Variants in NEK8 observed in about 807,000 individuals in gnomAD.
NEK8 encodes the protein serine/threonine-protein kinase Nek8.
Under a neutral mutation model 77.2 loss-of-function variants are expected in NEK8, and 51 were observed. The observed-to-expected ratio is 0.66, with a 90% CI of 0.53 to 0.83. NEK8 has a LOEUF of 0.83. Ranked by LOEUF, NEK8 falls within the 40% of genes least tolerant of loss-of-function variation. The pLI is 0.00. For synonymous variants in NEK8, 365 were observed against 363.2 expected (o/e 1.00, Z -0.06); for missense variants, 787 against 909.2 (o/e 0.87, Z 1.73).
At position 28,737,625 on chromosome 17, in the gene NEK8, G is replaced by A; in HGVS notation, c.828-50G>A. Reference sequence around the variant, plus strand: ...TGGGGCAAGTCCTCCCTTCCTGCATGTAGGAATGTCAGGAGGGTCTTTGTC... The same window carrying A: ...TGGGGCAAGTCCTCCCTTCCTGCATATAGGAATGTCAGGAGGGTCTTTGTC... On this transcript the variant is annotated intron_variant, in intron 5 of 14. Transcript: ENST00000268766. This position sits in a 1 kb window ranked among gnomAD's most constrained non-coding sequence, Gnocchi z 4.8. 1 of 1,614,048 alleles carries A rather than the reference G, an allele frequency of 6.2e-7. No homozygotes were observed. The highest frequency in any genetic ancestry group is 8.5e-7 in the Non-Finnish European group (1 of 1,179,908).
intron 1 of NEK8, chr17:28,733,076 C>T (rs977517030): frequency 1.1e-4 from 15 of 136,468 alleles, no homozygotes; most frequent in Admixed American, 2.3e-4. Context: ...GAGTGGGTTT[C>T]ACCATGTTGC....
At position 28,742,279 on chromosome 17, in the gene NEK8, C is replaced by G. The variant is rs995061746; in HGVS notation, c.*292C>G. On this transcript the variant is annotated 3_prime_UTR_variant, in exon 15 of 15. Transcript: ENST00000268766. ...GACCTAGCCTTTGGAAGCAGGGTGGCCTCCAGAGCCTTGCCATAAAAAGGC... is the reference window on the plus strand; with the variant it reads ...GACCTAGCCTTTGGAAGCAGGGTGGGCTCCAGAGCCTTGCCATAAAAAGGC... 7.4e-6 allele frequency: 4 copies of G among 538,764 alleles called. No homozygotes were observed. Among genetic ancestry groups the G allele is most frequent in the Non-Finnish European group, 1.3e-5 (4 of 298,446 alleles). 33.4% of individuals were successfully genotyped at this position (538,764 alleles called of 1,614,324 possible). A position where few individuals can be genotyped will look rare whatever the true frequency, so the allele number is the denominator to read the frequency against.
chr17:28,733,415 C>T (rs777237952), intron 1 of NEK8, among the ~76,000 whole-genome samples: 1 of 152,176 alleles, frequency 6.6e-6, no homozygotes, highest in Non-Finnish European at 1.5e-5. Flanking sequence ...AGCTTATAGT[C>T]CACTCATTCA....
At chr17:28,731,266 C>T (rs532520696) in intron 1 of NEK8, among the ~76,000 whole-genome samples, 2 of 149,354 alleles carry the variant, frequency 1.3e-5, no homozygotes, top group African/African-American at 2.5e-5. Context: ...AAAGGCCGGG[C>T]GTGGGGGTCA....
chr17:28,742,214 C>G lies in NEK8; in HGVS notation c.*227C>G, dbSNP rs895887986. 3 of 641,860 alleles carry G rather than the reference C, an allele frequency of 4.7e-6. No individual in the cohort carries two copies. The highest frequency in any genetic ancestry group is 8.5e-6 in the Non-Finnish European group (3 of 352,174). 39.8% of individuals were successfully genotyped at this position (641,860 alleles called of 1,614,324 possible). A position where few individuals can be genotyped will look rare whatever the true frequency, so the allele number is the denominator to read the frequency against. ...CTTCCTACCCCTTCCTCCCTTCAGTCAGTGTCCCCAGGGTCCAGCCTGGCT... is the reference window on the plus strand; with the variant it reads ...CTTCCTACCCCTTCCTCCCTTCAGTGAGTGTCCCCAGGGTCCAGCCTGGCT... On this transcript the variant is annotated 3_prime_UTR_variant, in exon 15 of 15. Coordinates refer to ENST00000268766, the MANE Select transcript of NEK8 (RefSeq NM_178170.3).
chr17:28,730,511 C>T (rs1165629806), intron 1 of NEK8, among the ~76,000 whole-genome samples: 1 of 152,000 alleles, frequency 6.6e-6, no homozygotes, highest in African/African-American at 2.4e-5. Context: ...TGACCTCAGG[C>T]GATCCACCTG....
chr17:28,738,663 C>G lies in NEK8; in HGVS notation c.1223-8C>G, dbSNP rs373387881. ...TCCCTTCTCCTTCCTCACTGCCCTT[C>G]TCCCCAGACAGAGGCATCATCATGA... On this transcript the variant is annotated splice_region_variant and splice_polypyrimidine_tract_variant and intron_variant, in intron 8 of 14. Transcript: ENST00000268766. 1.2e-6 allele frequency: 2 copies of G among 1,613,370 alleles called. No homozygotes were observed. Among genetic ancestry groups the G allele is most frequent in the Non-Finnish European group, 1.7e-6 (2 of 1,179,366 alleles).
At chr17:28,736,772 T>G (rs2034369483) in intron 4 of NEK8, among the ~76,000 whole-genome samples, 1 of 151,974 alleles carries the variant, frequency 6.6e-6, no homozygotes, top group South Asian at 2.1e-4. Context: ...CTCTTTAGTT[T>G]AATTAGATCC....
intron 1 of NEK8, among the ~76,000 whole-genome samples, chr17:28,730,650 C>T (rs1386291472): frequency 6.6e-6 from 1 of 152,186 alleles, no homozygotes; most frequent in Non-Finnish European, 1.5e-5. Flanking sequence ...GGTGCAGTGG[C>T]TCACGCCTAT....
rs34020867 is a variant in NEK8 at position 28,737,797 on chromosome 17, TC to T, written c.890-18del. ...CACACCATTCCCATCAGTTTAATAGTCCCCATGCACTGTACCTGCAGGTATC... is the reference window on the plus strand; with the variant it reads ...CACACCATTCCCATCAGTTTAATAGTCCCATGCACTGTACCTGCAGGTATC... On this transcript the variant is annotated intron_variant, in intron 6 of 14. Transcript: ENST00000268766. The surrounding 1 kb of genome is among the most constrained non-coding windows in gnomAD (Gnocchi z 4.8). 3 of 1,614,014 alleles carry T rather than the reference TC, an allele frequency of 1.9e-6. No individual in the cohort carries two copies. The Admixed American group carries it at 5.0e-5, about 27-fold the overall frequency.
chr17:28,734,615 G>T (rs533072158), intron 2 of NEK8, 157 bp from the exon 3 acceptor site: 7 of 635,658 alleles, frequency 1.1e-5, no homozygotes, highest in East Asian at 2.7e-5. Context: ...ACCCGGGAGG[G>T]GGGGCTTGCA....
At chr17:28,738,786 G>A (rs746456902) in intron 9 of NEK8, 39 bp downstream of exon 9, 1 of 1,515,756 alleles carries the variant, frequency 6.6e-7, no homozygotes, top group Non-Finnish European at 9.2e-7. Flanking sequence ...GAAGTCGGGG[G>A]ATGGCGGGGA....
chr17:28,731,335 C>T (rs2034304484), intron 1 of NEK8, among the ~76,000 whole-genome samples: 1 of 151,918 alleles, frequency 6.6e-6, no homozygotes, highest in African/African-American at 2.4e-5. Flanking sequence ...GTCAAGAGAT[C>T]GAGACCATCC....
intron 10 of NEK8, among the ~76,000 whole-genome samples, chr17:28,739,787 G>C (rs1375397639): frequency 6.6e-6 from 1 of 152,058 alleles, no homozygotes; most frequent in East Asian, 1.9e-4. Flanking sequence ...TTTGGGTCAG[G>C]CATCAGGCTG....
Position 28,738,244 on chromosome 17 carries a change from T to G in NEK8, c.1221T>G (p.Thr407=). The G allele has an allele frequency of 1.2e-6, 2 of 1,614,168 alleles. No homozygotes were observed. The highest frequency in any genetic ancestry group is 1.7e-6 in the Non-Finnish European group (2 of 1,180,016). ...GGGACTTCTTCACTGCCTGCCTGAC[T>G]GGTGAGTTGTCGGGCCTACCTTGTG... ...ACGDFFTACL[T]DRGIIMTFGS... is the part of the protein sequence containing the mutation. Residue 407 remains threonine, a splice_region_variant and synonymous_variant, in exon 8 of 15, where the codon ACT becomes ACG. Coordinates refer to ENST00000268766, the MANE Select transcript of NEK8 (RefSeq NM_178170.3).
chr17:28,728,843 G>C lies in NEK8; in HGVS notation c.30G>C (p.Val10=). MEKYERIRV[V]GRGAFGIVHL... ...AGAAGTACGAGCGGATCCGAGTGGT[G>C]GGGAGAGGTGCCTTCGGGTGAGCCA... The change falls in exon 1 of 15, where the codon GTG becomes GTC. Residue 10 remains valine (V), a synonymous_variant. Coordinates refer to ENST00000268766, the MANE Select transcript of NEK8 (RefSeq NM_178170.3). 6.4e-7 allele frequency: 1 copy of C among 1,551,488 alleles called. No individual in the cohort carries two copies. The highest frequency in any genetic ancestry group is 8.7e-7 in the Non-Finnish European group (1 of 1,146,762).
intron 1 of NEK8, among the ~76,000 whole-genome samples, chr17:28,733,671 C>A (rs1399921939): frequency 6.6e-6 from 1 of 152,198 alleles, no homozygotes; most frequent in Non-Finnish European, 1.5e-5. Flanking sequence ...ATTTTCCAGA[C>A]AATGATGTCA....
intron 1 of NEK8, among the ~76,000 whole-genome samples, chr17:28,730,136 G>A (rs949431207): frequency 2.0e-5 from 3 of 152,106 alleles, no homozygotes; most frequent in African/African-American, 7.2e-5. Flanking sequence ...TTTTTGAGAC[G>A]GAGTCTTGCA....
In NEK8 at chr17:28,740,597, G is replaced by A. The variant is rs1160833574; in HGVS notation, c.1552G>A (p.Ala518Thr). 1 of 1,614,198 alleles carries A rather than the reference G, an allele frequency of 6.2e-7. No homozygotes were observed. Among genetic ancestry groups the A allele is most frequent in the Non-Finnish European group, 8.5e-7 (1 of 1,180,034 alleles). Residue 518 changes from alanine (A) to threonine (T), a missense_variant, in exon 11 of 15, where the codon GCC becomes ACC. Ala to Thr is a moderately conservative substitution (Grantham distance 58). This residue lies in a region of NEK8 where 516 missense variants were observed against 544.0 expected (regional missense o/e 0.95). Transcript: ENST00000268766. The surrounding 1 kb of genome is among the most constrained non-coding windows in gnomAD (Gnocchi z 4.7). Reference sequence around the variant, plus strand: ...CCTCACTGTGCCTGGCCAAGCCCTAGCCTGTGGGAGCAACAGGTGAATAGA... The same window carrying A: ...CCTCACTGTGCCTGGCCAAGCCCTAACCTGTGGGAGCAACAGGTGAATAGA... Reference protein sequence around the residue: ...MILTVPGQALACGSNRFNKLG... With the variant: ...MILTVPGQALTCGSNRFNKLG...
Sources: gnomAD v4.1 joint callset for allele counts (sites outside exome capture counted in the v4.1 genomes callset) on GRCh38, gnomAD v4.1.1 for gene constraint, gnomAD v4.1.1 regional missense constraint, Gnocchi (gnomAD v3.1) non-coding constraint, MANE v1.5 for transcripts, NCBI Gene and HGNC (gene_info 2026-07-23, HGNC 2026-07-21) for gene names.